The following GPD1 variants were observed in gnomAD, a reference collection of about 807,000 sequenced individuals.
GPD1 encodes the protein glycerol-3-phosphate dehydrogenase [NAD(+)], cytoplasmic.
Under a neutral mutation model 34.4 loss-of-function variants are expected in GPD1, and 19 were observed. That is an observed-to-expected ratio of 0.55 (90% CI 0.39 to 0.81). The LOEUF is 0.81. GPD1 is among the 30% of genes least tolerant of loss of function. The pLI is 0.00. For missense variants in GPD1, 429 were observed against 447.0 expected (o/e 0.96, Z 0.36); for synonymous variants, 172 against 174.1 (o/e 0.99, Z 0.09).
chr12:50,109,161 G>T (rs1374017460), intron 7 of GPD1, among the ~76,000 whole-genome samples: 2 of 146,858 alleles, frequency 1.4e-5, no homozygotes, highest in Admixed American at 6.8e-5. Flanking sequence ...AAAAAAAAGT[G>T]GGTTGCCCAG....
rs1381566056 is a variant in GPD1, at chr12:50,104,062, G to A, written c.12G>A (p.Lys4=). The A allele has an allele frequency of 6.2e-7, 1 of 1,614,022 alleles. No individual in the cohort carries two copies. Among genetic ancestry groups the A allele is most frequent in the Non-Finnish European group, 8.5e-7 (1 of 1,180,000 alleles). Residue 4 remains lysine, a synonymous_variant, in exon 1 of 8, where the codon AAG becomes AAA. Coordinates refer to ENST00000301149, the MANE Select transcript of GPD1 (RefSeq NM_005276.4). MAS[K]KVCIVGSGNW... is the part of the protein sequence containing the mutation. Reference sequence around the variant, plus strand: ...AGAGACGCGGCACCATGGCTAGCAAGAAAGTCTGCATTGTAGGCTCCGGGA... The same window carrying A: ...AGAGACGCGGCACCATGGCTAGCAAAAAAGTCTGCATTGTAGGCTCCGGGA...
chr12:50,105,397 C>A (rs1950970790), intron 2 of GPD1, 151 bp from the exon 3 acceptor site: 2 of 699,500 alleles, frequency 2.9e-6, no homozygotes, highest in Non-Finnish European at 4.7e-6. Flanking sequence ...GTGTCTTATT[C>A]CTCCAAGTTC....
rs1250065560 is a variant in GPD1, at chr12:50,107,612, G to C, written c.658G>C (p.Gly220Arg). ...GAGFCDGLGF[G>R]DNTKAAVIRL... is the part of the protein sequence containing the mutation. ...TGGCTTCTGTGATGGCCTGGGCTTT[G>C]GCGACAACACCAAGGCGGCAGTGAT... The change falls in exon 6 of 8, where the codon GGC becomes CGC. Residue 220 changes from glycine to arginine, a missense_variant. Gly to Arg is a moderately radical substitution (Grantham distance 125). Transcript: ENST00000301149. 2 of 1,614,002 alleles carry C rather than the reference G, an allele frequency of 1.2e-6. No individual in the cohort carries two copies. The highest frequency in any genetic ancestry group is 1.7e-6 in the Non-Finnish European group (2 of 1,180,008).
chr12:50,107,920 C>T, intron 6 of GPD1, 104 bp from the exon 7 acceptor site: 1 of 1,021,146 alleles, frequency 9.8e-7, no homozygotes, highest in Non-Finnish European at 1.5e-6. Flanking sequence ...CCCCATCCCT[C>T]TTTTCCTCCC....
chr12:50,105,033 C>T, intron 2 of GPD1: 1 of 459,770 alleles, frequency 2.2e-6, no homozygotes, highest in Non-Finnish European at 3.9e-6. Flanking sequence ...TCCAGTAGTG[C>T]CTGCCTCCGG....
In GPD1 at chr12:50,105,707, T is replaced by G; in HGVS notation, c.360+19T>G. ...TATTAAGGTGCCAGGGACACCTTCA[T>G]GTGGATGGGGGAGGGTGCGGCTCAC... On this transcript the variant is annotated intron_variant, in intron 3 of 7. Transcript: ENST00000301149. 2.5e-6 allele frequency: 4 copies of G among 1,613,148 alleles called. No individual in the cohort carries two copies. The highest frequency in any genetic ancestry group is 3.3e-5 in the Admixed American group (2 of 60,012).
intron 6 of GPD1, 31 bp downstream of exon 6, chr12:50,107,831 G>A: frequency 6.6e-7 from 1 of 1,517,990 alleles, no homozygotes; most frequent in Non-Finnish European, 9.2e-7. Flanking sequence ...GAACAGAGGG[G>A]CGGCTCTGTA....
In GPD1 at chr12:50,106,422, C is replaced by T; in HGVS notation, c.495C>T (p.Thr165=). 6.2e-7 allele frequency: 1 copy of T among 1,613,720 alleles called. No individual in the cohort carries two copies. ...EVADEKFCET[T]IGCKDPAQGQ... ...CTGATGAGAAGTTCTGTGAGACAAC[C>T]ATTGGTGAGAGCCCCCTGGCACCTG... The change falls in exon 4 of 8, where the codon ACC becomes ACT. Residue 165 remains threonine, a synonymous_variant. Transcript: ENST00000301149.
At position 50,104,036 on chromosome 12, in the gene GPD1, CAG is replaced by C; in HGVS notation, c.-11_-10del. 2 of 1,613,870 alleles carry C rather than the reference CAG, an allele frequency of 1.2e-6. No individual in the cohort carries two copies. The highest frequency in any genetic ancestry group is 1.7e-6 in the Non-Finnish European group (2 of 1,179,774). Reference sequence around the variant, plus strand: ...GAGTGTGGCACTGAGCCGGCTCAGGCAGAGACGCGGCACCATGGCTAGCAAGA... The same window carrying C: ...GAGTGTGGCACTGAGCCGGCTCAGGCAGACGCGGCACCATGGCTAGCAAGA... On this transcript the variant is annotated 5_prime_UTR_variant, in exon 1 of 8. Coordinates refer to ENST00000301149, the MANE Select transcript of GPD1 (RefSeq NM_005276.4).
At position 50,110,985 on chromosome 12, in the gene GPD1, C is replaced by T. The variant is rs1477712940; in HGVS notation, c.*1466C>T. 2 of 152,676 alleles carry T rather than the reference C, an allele frequency of 1.3e-5. No individual in the cohort carries two copies. The highest frequency in any genetic ancestry group is 1.5e-5 in the Non-Finnish European group (1 of 68,094). 9.5% of individuals were successfully genotyped at this position (152,676 alleles called of 1,614,324 possible). On this transcript the variant is annotated 3_prime_UTR_variant, in exon 8 of 8. Coordinates refer to ENST00000301149, the MANE Select transcript of GPD1 (RefSeq NM_005276.4). Reference sequence around the variant, plus strand: ...GCAGCACCTGGCACACTGGCTCTGGCCAGCATTATGCTAAAACCCTGTTAC... The same window carrying T: ...GCAGCACCTGGCACACTGGCTCTGGTCAGCATTATGCTAAAACCCTGTTAC...
rs748958731 is a variant in GPD1 at position 50,107,745 on chromosome 12, C to T, written c.791C>T (p.Thr264Ile). The T allele has an allele frequency of 8.7e-6, 14 of 1,613,982 alleles. No individual in the cohort carries two copies. The Admixed American group carries it at 1.5e-4, about 17-fold the overall frequency. ...ESCGVADLIT[T>I]CYGGRNRKVA... ...TGTGGTGTTGCTGACCTGATCACTACCTGCTATGGAGGGCGGAACCGGAAA... is the reference window on the plus strand; with the variant it reads ...TGTGGTGTTGCTGACCTGATCACTATCTGCTATGGAGGGCGGAACCGGAAA... Residue 264 changes from threonine (T) to isoleucine (I), a missense_variant, in exon 6 of 8, where the codon ACC becomes ATC. Physicochemically the swap from Thr to Ile is moderately conservative, Grantham distance 89 (BLOSUM62 -1). Transcript: ENST00000301149.
At position 50,109,786 on chromosome 12, in the gene GPD1, AG is replaced by A; in HGVS notation, c.*271del. 2.3e-6 allele frequency: 1 copy of A among 432,420 alleles called. No homozygotes were observed. 26.8% of individuals were successfully genotyped at this position (432,420 alleles called of 1,614,324 possible). A position where few individuals can be genotyped will look rare whatever the true frequency, so the allele number is the denominator to read the frequency against. On this transcript the variant is annotated 3_prime_UTR_variant, in exon 8 of 8. Transcript: ENST00000301149. ...TGGGGCTTTCTCCATATCCTCTGGG[AG>A]GGGTGGAATCAAGCCCCAGTGCTGC... is the stretch of plus-strand genomic sequence containing the variant.
intron 3 of GPD1, 100 bp from the exon 4 acceptor site, chr12:50,106,188 G>A: frequency 1.8e-6 from 2 of 1,100,838 alleles, no homozygotes; most frequent in Non-Finnish European, 2.6e-6. Context: ...TGTCGGGAGG[G>A]ACACAGATGA....
In GPD1 at chr12:50,107,737, G is replaced by A. The variant is rs1238689813; in HGVS notation, c.783G>A (p.Leu261=). ...TFLESCGVAD[L]ITTCYGGRNR... ...TGGAGAGCTGTGGTGTTGCTGACCTGATCACTACCTGCTATGGAGGGCGGA... is the reference window on the plus strand; with the variant it reads ...TGGAGAGCTGTGGTGTTGCTGACCTAATCACTACCTGCTATGGAGGGCGGA... The change falls in exon 6 of 8, where the codon CTG becomes CTA. Residue 261 remains leucine, a synonymous_variant. Transcript: ENST00000301149. 6.2e-7 allele frequency: 1 copy of A among 1,614,124 alleles called. No homozygotes were observed. Among genetic ancestry groups the A allele is most frequent in the Non-Finnish European group, 8.5e-7 (1 of 1,180,008 alleles).
At chr12:50,105,307 T>G (rs112444182) in intron 2 of GPD1, 20 of 561,564 alleles carry the variant, frequency 3.6e-5, no homozygotes, top group African/African-American at 3.6e-4. Flanking sequence ...AGGAGAGTGC[T>G]GGGATGAGGT....
At chr12:50,105,849 G>GCACCTCA in intron 3 of GPD1, 161 bp downstream of exon 3, 1 of 757,718 alleles carries the variant, frequency 1.3e-6, no homozygotes, top group Non-Finnish European at 2.3e-6. Context: ...AAAGCAGTGA[G>GCACCTCA]GTGCTGGGGG....
rs189145508 is a variant in GPD1 at position 50,106,591 on chromosome 12, C to T, written c.499+165C>T. Among the ~76,000 whole-genome samples the T allele has an allele frequency of 2.1e-3, 326 of 152,170 alleles. 1 individual carries two copies. Among genetic ancestry groups the T allele is most frequent in the South Asian group, 0.016 (79 of 4,820 alleles). The stretch of plus-strand genomic sequence containing the variant: ...CACCCCCAGGGAAGGGGCTTCAGGG[C>T]CTGCTTAGGGAAACACAGTGATGAG... On this transcript the variant is annotated intron_variant, in intron 4 of 7. Transcript: ENST00000301149.
intron 2 of GPD1, chr12:50,105,237 C>T (rs1481686943): frequency 8.1e-6 from 3 of 370,526 alleles, no homozygotes; most frequent in Non-Finnish European, 1.5e-5. Flanking sequence ...TATTTGAGCT[C>T]TTTCTTTTGC....
chr12:50,107,984 T>C, intron 6 of GPD1, 40 bp from the exon 7 acceptor site: 1 of 1,341,946 alleles, frequency 7.5e-7, no homozygotes, highest in East Asian at 2.3e-5. Flanking sequence ...TGACAACCCT[T>C]CTCTCCCATT....
Sources: gnomAD v4.1 joint callset for allele counts (sites outside exome capture counted in the v4.1 genomes callset) on GRCh38, gnomAD v4.1.1 for gene constraint, MANE v1.5 for transcripts, NCBI Gene and HGNC (gene_info 2026-07-23, HGNC 2026-07-21) for gene names.